IL1RAPL1: variants seen among roughly 807,000 people sequenced by gnomAD.
The protein encoded by IL1RAPL1 is interleukin 1 receptor accessory protein like 1.
Under a neutral mutation model 48.4 loss-of-function variants are expected in IL1RAPL1, and 3 were observed. That is an observed-to-expected ratio of 0.06 (90% CI 0.03 to 0.16). The LOEUF (loss-of-function observed/expected upper bound fraction) is 0.16. IL1RAPL1 is among the 10% of genes least tolerant of loss of function. IL1RAPL1 has a pLI of 1.00. For synonymous variants in IL1RAPL1, 185 were observed against 187.7 expected (o/e 0.99, Z 0.12); for missense variants, 349 against 530.6 (o/e 0.66, Z 3.36).
intron 1 of IL1RAPL1, among the ~76,000 whole-genome samples, chrX:28,750,938 G>T (rs1337546268): frequency 1.8e-5 from 2 of 111,862 alleles, no homozygotes; most frequent in Non-Finnish European, 3.8e-5. Flanking sequence ...TGAGCACAAT[G>T]TCTTAGCACT....
chrX:28,964,957 A>G (rs557646759), intron 2 of IL1RAPL1, among the ~76,000 whole-genome samples: 2 of 111,580 alleles, frequency 1.8e-5, no homozygotes, highest in Non-Finnish European at 3.8e-5. Flanking sequence ...TTCTCACTAA[A>G]GATAACTTGT....
At chrX:29,623,106 T>TAA (rs752740069) in intron 5 of IL1RAPL1, among the ~76,000 whole-genome samples, 1 of 78,606 alleles carries the variant, frequency 1.3e-5, no homozygotes, top group Non-Finnish European at 2.5e-5. Context: ...CTGTCTCCAC[T>TAA]AAAAAAAAAA....
intron 2 of IL1RAPL1, among the ~76,000 whole-genome samples, chrX:29,161,310 T>C (rs1005322017): frequency 8.9e-6 from 1 of 111,887 alleles, no homozygotes; most frequent in African/African-American, 3.2e-5. Flanking sequence ...ATCTGTATTC[T>C]AAGGGCATAC....
chrX:29,207,495 A>G (rs1930687603), intron 2 of IL1RAPL1, among the ~76,000 whole-genome samples: 1 of 112,031 alleles, frequency 8.9e-6, no homozygotes, highest in Non-Finnish European at 1.9e-5. Context: ...ACTATGTAGT[A>G]TTTCATTACA....
intron 5 of IL1RAPL1, among the ~76,000 whole-genome samples, chrX:29,443,273 T>A (rs1315052139): frequency 1.8e-5 from 2 of 108,594 alleles, no homozygotes; most frequent in South Asian, 8.1e-4. Context: ...TCAATCTTAG[T>A]GCTCACAAAT....
At chrX:28,948,211 A>G (rs748200864) in intron 2 of IL1RAPL1, among the ~76,000 whole-genome samples, 6 of 111,719 alleles carry the variant, frequency 5.4e-5, no homozygotes, top group African/African-American at 1.3e-4. Flanking sequence ...CATCCCATAT[A>G]TTGAAGTTAT....
At chrX:29,689,121 A>G (rs1926709993) in intron 6 of IL1RAPL1, among the ~76,000 whole-genome samples, 1 of 112,067 alleles carries the variant, frequency 8.9e-6, no homozygotes, top group Non-Finnish European at 1.9e-5. Flanking sequence ...CAAGTGGATC[A>G]ATGATTATAT....
intron 2 of IL1RAPL1, among the ~76,000 whole-genome samples, chrX:28,969,116 G>A (rs1924993393): frequency 8.9e-6 from 1 of 112,305 alleles, no homozygotes; most frequent in African/African-American, 3.2e-5. Context: ...TAAGGAGGAA[G>A]TCTAAAACAC....
At chrX:28,924,647 G>A (rs1174020412) in intron 2 of IL1RAPL1, among the ~76,000 whole-genome samples, 1 of 111,473 alleles carries the variant, frequency 9.0e-6, no homozygotes, top group African/African-American at 3.3e-5. Flanking sequence ...AATACATGCC[G>A]AAACATGAAT....
At chrX:29,688,321 C>T (rs1425127282) in intron 6 of IL1RAPL1, among the ~76,000 whole-genome samples, 1 of 110,796 alleles carries the variant, frequency 9.0e-6, no homozygotes, top group Non-Finnish European at 1.9e-5. Flanking sequence ...GTCTTGCGGC[C>T]GCACCAGTCC....
chrX:28,619,117 G>A (rs958744377), intron 1 of IL1RAPL1, among the ~76,000 whole-genome samples: 3 of 112,211 alleles, frequency 2.7e-5, no homozygotes, highest in Non-Finnish European at 1.9e-5. Flanking sequence ...AATTTTAACA[G>A]ATGCAATAAA....
At chrX:28,719,371 TATTA>T (rs1244487399) in intron 1 of IL1RAPL1, among the ~76,000 whole-genome samples, 3 of 111,392 alleles carry the variant, frequency 2.7e-5, no homozygotes, top group African/African-American at 9.8e-5. Flanking sequence ...CTGTTATTAT[TATTA>T]AGCATCTATT....
At chrX:29,021,813 C>T (rs750474839) in intron 2 of IL1RAPL1, among the ~76,000 whole-genome samples, 2 of 111,726 alleles carry the variant, frequency 1.8e-5, no homozygotes, top group African/African-American at 6.5e-5. Context: ...TTTTCAGCTT[C>T]CCTTTTCTTC....
At chrX:29,208,306 A>C (rs1930702844) in intron 2 of IL1RAPL1, among the ~76,000 whole-genome samples, 1 of 111,960 alleles carries the variant, frequency 8.9e-6, no homozygotes. Context: ...CCATAAGTCT[A>C]AAAACCCAAA....
intron 2 of IL1RAPL1, among the ~76,000 whole-genome samples, chrX:29,204,342 G>A (rs1435205140): frequency 8.9e-6 from 1 of 111,888 alleles, no homozygotes; most frequent in Admixed American, 9.5e-5. Context: ...CACCAACAGT[G>A]TACAAGAGTT....
At chrX:29,452,797 G>T (rs888991498) in intron 5 of IL1RAPL1, among the ~76,000 whole-genome samples, 1 of 110,696 alleles carries the variant, frequency 9.0e-6, no homozygotes, top group African/African-American at 3.3e-5. Context: ...CAAAAAGTAC[G>T]ATTAAATTAA....
intron 6 of IL1RAPL1, among the ~76,000 whole-genome samples, chrX:29,880,535 C>T (rs1162167874): frequency 1.8e-5 from 2 of 111,561 alleles, no homozygotes; most frequent in Non-Finnish European, 3.8e-5. Flanking sequence ...GAATTATGTT[C>T]GTTTTATGGC....
At chrX:29,731,669 A>G (rs139789188) in intron 6 of IL1RAPL1, among the ~76,000 whole-genome samples, 2,961 of 112,490 alleles carry the variant, frequency 0.026, 98 homozygotes, top group African/African-American at 0.091. Flanking sequence ...TCTGGGGACA[A>G]GGAGCTGGTC....
intron 6 of IL1RAPL1, among the ~76,000 whole-genome samples, chrX:29,772,422 C>A (rs1929091732): frequency 9.1e-6 from 1 of 110,385 alleles, no homozygotes; most frequent in African/African-American, 3.3e-5. Flanking sequence ...AAAATTATTT[C>A]TCAGTTTTCC....
Sources: gnomAD v4.1 joint callset for allele counts (sites outside exome capture counted in the v4.1 genomes callset) on GRCh38, gnomAD v4.1.1 for gene constraint, MANE v1.5 for transcripts, NCBI Gene and HGNC (gene_info 2026-07-23, HGNC 2026-07-21) for gene names.